The following ZNF33B variants were observed in gnomAD, a reference collection of about 807,000 sequenced individuals.
ZNF33B encodes the protein zinc finger protein 11b (KOX 2).
ZNF33B carries 29 observed loss-of-function variants against 45.8 expected under a neutral mutation model. That is an observed-to-expected ratio of 0.63 (90% CI 0.47 to 0.86). The LOEUF (loss-of-function observed/expected upper bound fraction) is 0.86, where lower values mean the gene tolerates loss of function less well. Among genes scored for constraint, ZNF33B ranks in the 40% least tolerant of loss-of-function variants. The probability of loss-of-function intolerance (pLI) is 0.00; values close to 1 mark genes in which losing one functional copy is unlikely to be tolerated. For missense variants in ZNF33B, 831 were observed against 909.9 expected, an observed-to-expected ratio of 0.91 and a Z score of 1.12; for synonymous variants, 305 against 307.8, an observed-to-expected ratio of 0.99 and a Z score of 0.10.
intron 1 of ZNF33B, among the ~76,000 whole-genome samples, chr10:42,577,761 C>G (rs985034491): frequency 3.9e-5 from 6 of 152,304 alleles, no homozygotes; most frequent in Middle Eastern, 3.4e-3. Flanking sequence ...AGGGCTGAAT[C>G]GCCCCTGCTT....
chr10:42,624,142 C>T (rs1033330148), intron 4 of ZNF33B, among the ~76,000 whole-genome samples: 12 of 152,140 alleles, frequency 7.9e-5, no homozygotes, highest in Non-Finnish European at 1.0e-4. Context: ...AGGAAGCTCT[C>T]ACTTCCTCTT....
At chr10:42,635,259 A>T (rs1395067482) in intron 2 of ZNF33B, among the ~76,000 whole-genome samples, 1 of 151,608 alleles carries the variant, frequency 6.6e-6, no homozygotes, top group African/African-American at 2.4e-5. Context: ...AAAAAAAATC[A>T]GACATCATTA....
rs1839330286 is a variant in ZNF33B, at chr10:42,636,903, A to G, written c.9+17T>C. ...AGTCCACCGCAAAATAAAGTAGGGAATTAATAAACAACTTACCTTGTTCAT... is the reference window on the plus strand; with the variant it reads ...AGTCCACCGCAAAATAAAGTAGGGAGTTAATAAACAACTTACCTTGTTCAT... On this transcript the variant is annotated intron_variant, in intron 2 of 4. Transcript: ENST00000359467. The G allele has an allele frequency of 6.2e-7, 1 of 1,614,194 alleles. No homozygotes were observed. Among genetic ancestry groups the G allele is most frequent in the East Asian group, 2.2e-5 (1 of 44,882 alleles).
At chr10:42,627,403 T>C (rs1306633094) in intron 4 of ZNF33B, among the ~76,000 whole-genome samples, 1 of 152,374 alleles carries the variant, frequency 6.6e-6, no homozygotes, top group Admixed American at 6.5e-5. Context: ...TTCCAGATAT[T>C]GATGATTTGT....
downstream of ZNF33B, among the ~76,000 whole-genome samples, chr10:42,586,150 A>ATTTTTTTTTTTTTTTTTT (rs67457246): frequency 8.2e-6 from 1 of 121,550 alleles, no homozygotes; most frequent in African/African-American, 3.2e-5. Context: ...TTTTCCTCAG[A>ATTTTTTTTTTTTTTTTTT]TTTTTTTTTT....
chr10:42,632,513 A>G (rs1311702836), intron 2 of ZNF33B, 74 bp from the exon 3 acceptor site: 48 of 1,545,172 alleles, frequency 3.1e-5, no homozygotes, highest in Non-Finnish European at 3.9e-5. Context: ...TATTCACAGA[A>G]TATTTGTTTT....
chr10:42,632,194 C>T, intron 3 of ZNF33B, 101 bp downstream of exon 3: 2 of 1,534,422 alleles, frequency 1.3e-6, no homozygotes, highest in Non-Finnish European at 1.8e-6. Flanking sequence ...TGAAGCCTAA[C>T]CTAAGCCTAA....
At chr10:42,630,617 T>C (rs1839006871) in intron 4 of ZNF33B, among the ~76,000 whole-genome samples, 1 of 152,158 alleles carries the variant, frequency 6.6e-6, no homozygotes, top group Non-Finnish European at 1.5e-5. Flanking sequence ...ACTGAAAGAA[T>C]CAAACCTCAT....
chr10:42,582,886 T>C (rs1035758690), intron 1 of ZNF33B: 1 of 433,924 alleles, frequency 2.3e-6, no homozygotes, highest in African/African-American at 2.0e-5. Flanking sequence ...CTCTTTGAAG[T>C]AGAAACGTCT....
downstream of ZNF33B, among the ~76,000 whole-genome samples, chr10:42,588,481 G>A (rs185389350): frequency 6.6e-6 from 1 of 152,218 alleles, no homozygotes. Context: ...GCCAGTGGTT[G>A]TAACTGCTTC....
chr10:42,582,935 T>A (rs1391768287), intron 1 of ZNF33B: 3 of 532,350 alleles, frequency 5.6e-6, no homozygotes, highest in African/African-American at 3.8e-5. Context: ...AGAATGCTGA[T>A]GTCTCTTCCA....
intron 4 of ZNF33B, among the ~76,000 whole-genome samples, chr10:42,606,245 A>T (rs913867391): frequency 6.6e-6 from 1 of 152,180 alleles, no homozygotes; most frequent in African/African-American, 2.4e-5. Context: ...CGGGCAGATC[A>T]TCTGTGGTCA....
chr10:42,594,748 T>G, intron 4 of ZNF33B, 49 bp from the exon 5 acceptor site: 1 of 1,505,022 alleles, frequency 6.6e-7, no homozygotes, highest in Non-Finnish European at 8.8e-7. Flanking sequence ...AAAACATCTC[T>G]TAGGGAATGA....
At chr10:42,582,040 CG>C (rs1002575377) in intron 1 of ZNF33B, 1 of 152,314 alleles carries the variant, frequency 6.6e-6, no homozygotes, top group African/African-American at 2.4e-5. Flanking sequence ...TGCTTGAACC[CG>C]GGAGGCAGAG....
At chr10:42,608,771 G>A (rs1237298926) in intron 4 of ZNF33B, among the ~76,000 whole-genome samples, 1 of 151,440 alleles carries the variant, frequency 6.6e-6, no homozygotes, top group African/African-American at 2.4e-5. Context: ...AAGGCAGGAA[G>A]GAAAGCAGAA....
At chr10:42,586,581 T>C (rs368317839), downstream of ZNF33B, among the ~76,000 whole-genome samples, 69 of 152,340 alleles carry the variant, frequency 4.5e-4, no homozygotes, top group African/African-American at 1.5e-3. Flanking sequence ...TGGGGTATTA[T>C]AAATCTCTCT....
chr10:42,605,141 T>C (rs1837785070), intron 4 of ZNF33B: 1 of 149,514 alleles, frequency 6.7e-6, no homozygotes, highest in Non-Finnish European at 1.5e-5. Context: ...GCAGAAAAAA[T>C]ATTCAAACGA....
chr10:42,580,017 G>C (rs974137428), intron 1 of ZNF33B, among the ~76,000 whole-genome samples: 8 of 152,200 alleles, frequency 5.3e-5, no homozygotes, highest in African/African-American at 1.9e-4. Flanking sequence ...TGTATTCACT[G>C]ATGGAGGAAG....
intron 4 of ZNF33B, among the ~76,000 whole-genome samples, chr10:42,595,400 A>G (rs527549581): frequency 1.3e-5 from 2 of 152,326 alleles, no homozygotes; most frequent in South Asian, 4.1e-4. Context: ...AATCAAACTC[A>G]GGAATGAAGT....
Sources: allele counts gnomAD v4.1 joint callset (sites outside exome capture counted in the v4.1 genomes callset), GRCh38; gene constraint gnomAD v4.1.1; transcripts MANE v1.5; gene names NCBI Gene and HGNC (gene_info 2026-07-23, HGNC 2026-07-21).